The following AQP7B variants were observed in gnomAD, a reference collection of about 807,000 sequenced individuals.
AQP7B encodes aquaporin 7B, also known as putative aquaporin-7B.
chr2:94,598,992 C>A, the AQP7B span, among the ~76,000 whole-genome samples: 5 of 152,042 alleles, frequency 3.3e-5, no homozygotes, highest in African/African-American at 1.2e-4. Context: ...TTAGTAGAGA[C>A]GGGGTTTCAC....
the AQP7B span, among the ~76,000 whole-genome samples, chr2:94,587,572 A>G: frequency 6.6e-6 from 1 of 152,140 alleles, no homozygotes; most frequent in African/African-American, 2.4e-5. Flanking sequence ...GTTATGGTGC[A>G]GTCCTGTGTT....
chr2:94,593,079 C>T, the AQP7B span, among the ~76,000 whole-genome samples: 25 of 151,962 alleles, frequency 1.6e-4, no homozygotes, highest in African/African-American at 4.3e-4. Context: ...CAGCTCGCCT[C>T]GGCAAGTGCT....
At chr2:94,604,613 C>T in the AQP7B span, 2 of 1,518,334 alleles carry the variant, frequency 1.3e-6, no homozygotes, top group Non-Finnish European at 1.8e-6. Context: ...CCCAATAAAG[C>T]AAAGCTTGTC....
At chr2:94,604,236 G>A in the AQP7B span, 1 of 1,514,960 alleles carries the variant, frequency 6.6e-7, no homozygotes, top group Non-Finnish European at 8.9e-7. Context: ...GTGGATGAGG[G>A]TGCTGTCCTG....
chr2:94,594,845 C>A, the AQP7B span: 83 of 1,557,540 alleles, frequency 5.3e-5, no homozygotes, highest in Non-Finnish European at 7.0e-5. Flanking sequence ...GAGTTCTTGG[C>A]CGAGTTCATG....
At chr2:94,595,956 T>C in the AQP7B span, among the ~76,000 whole-genome samples, 2 of 150,888 alleles carry the variant, frequency 1.3e-5, no homozygotes, top group Non-Finnish European at 3.0e-5. Context: ...CTAGAAGGAG[T>C]GTACAGAAAG....
At chr2:94,588,615 C>T in the AQP7B span, 3,438 of 724,744 alleles carry the variant, frequency 4.7e-3, 76 homozygotes, top group African/African-American at 0.053. Context: ...CAGTGCCCTC[C>T]CTGCTCCATC....
chr2:94,588,596 A>C, the AQP7B span: 1 of 679,372 alleles, frequency 1.5e-6, no homozygotes. Context: ...TCCTCCACCC[A>C]GCCCACTTCA....
At chr2:94,595,554 C>T in the AQP7B span, among the ~76,000 whole-genome samples, 1 of 152,004 alleles carries the variant, frequency 6.6e-6, no homozygotes, top group African/African-American at 2.4e-5. Flanking sequence ...AGGGGAGTGA[C>T]ATGATCAGAT....
At chr2:94,603,092 CTGGAGGAAGTT>C in the AQP7B span, 1 of 1,587,538 alleles carries the variant, frequency 6.3e-7, no homozygotes, top group Non-Finnish European at 8.6e-7. Context: ...GCCGCGTGCC[CTGGAGGAAGTT>C]TCCAGTCCAT....
chr2:94,602,910 G>A, the AQP7B span: 1 of 1,178,716 alleles, frequency 8.5e-7, no homozygotes, highest in Non-Finnish European at 1.2e-6. Flanking sequence ...GTGGTTGTGA[G>A]GGCTCAAGGA....
At chr2:94,599,705 C>T in the AQP7B span, among the ~76,000 whole-genome samples, 3 of 152,054 alleles carry the variant, frequency 2.0e-5, no homozygotes, top group Non-Finnish European at 4.4e-5. Flanking sequence ...CAGCCCGTCC[C>T]TCTCTCAGCG....
At chr2:94,587,899 G>A in the AQP7B span, among the ~76,000 whole-genome samples, 1 of 152,106 alleles carries the variant, frequency 6.6e-6, no homozygotes, top group East Asian at 1.9e-4. Context: ...CTGTGCTGGA[G>A]CTAGAGGGAA....
At chr2:94,587,431 G>A in the AQP7B span, among the ~76,000 whole-genome samples, 1 of 152,184 alleles carries the variant, frequency 6.6e-6, no homozygotes, top group Non-Finnish European at 1.5e-5. Flanking sequence ...TCCAGGCAGG[G>A]TGGGGATGGG....
chr2:94,595,737 C>T, the AQP7B span, among the ~76,000 whole-genome samples: 4 of 152,120 alleles, frequency 2.6e-5, no homozygotes, highest in Admixed American at 6.5e-5. Flanking sequence ...AAGATGGAAT[C>T]GGGGAGACTC....
At chr2:94,603,948 C>A in the AQP7B span, 3 of 1,201,872 alleles carry the variant, frequency 2.5e-6, no homozygotes, top group Non-Finnish European at 3.6e-6. Flanking sequence ...CCTGCCCAGG[C>A]CCATTCCTTT....
chr2:94,602,018 AGTGTGTGTGTGTGT>A, the AQP7B span, among the ~76,000 whole-genome samples: 6 of 139,846 alleles, frequency 4.3e-5, no homozygotes, highest in East Asian at 4.4e-4. Context: ...ATTGCGGCGG[AGTGTGTGTGTGTGT>A]GTGTGTGTGT....
the AQP7B span, among the ~76,000 whole-genome samples, chr2:94,598,804 TTTTA>T: frequency 2.6e-5 from 4 of 152,154 alleles, no homozygotes; most frequent in Non-Finnish European, 5.9e-5. Flanking sequence ...CAGTATTTTA[TTTTA>T]TTTATTTATT....
the AQP7B span, chr2:94,594,684 G>A: frequency 8.5e-6 from 10 of 1,175,042 alleles, no homozygotes; most frequent in South Asian, 3.8e-5. Flanking sequence ...TTGAAGAGCC[G>A]ATGGGCAGCA....
Sources: allele counts gnomAD v4.1 joint callset (sites outside exome capture counted in the v4.1 genomes callset), GRCh38; gene constraint gnomAD v4.1.1; transcripts MANE v1.5; gene names NCBI Gene and HGNC (gene_info 2026-07-23, HGNC 2026-07-21).